Variants in MCC observed in about 807,000 individuals in gnomAD.
MCC encodes colorectal mutant cancer protein.
In MCC, 90 loss-of-function variants were observed where a neutral mutation model predicts 116.2. The ratio of observed to expected loss-of-function variants is 0.77; its 90% confidence interval spans 0.65 to 0.92. The LOEUF (loss-of-function observed/expected upper bound fraction) is 0.92. Among genes scored for constraint, MCC ranks in the 40% least tolerant of loss-of-function variants. The pLI, the probability that MCC is intolerant of heterozygous loss-of-function variation, is 0.00. For missense variants in MCC, 1,516 were observed against 1,312.2 expected (o/e 1.16, Z -2.40); for synonymous variants, 578 against 510.5 (o/e 1.13, Z -1.78).
chr5:113,165,410 A>C (rs1016947748), intron 3 of MCC, among the ~76,000 whole-genome samples: 4 of 152,212 alleles, frequency 2.6e-5, no homozygotes, highest in African/African-American at 4.8e-5. Context: ...TTGTCTTGCC[A>C]GTTCTCTTAC....
chr5:113,211,013 G>C (rs958509387), intron 3 of MCC, among the ~76,000 whole-genome samples: 4 of 152,200 alleles, frequency 2.6e-5, no homozygotes, highest in Admixed American at 2.6e-4. Flanking sequence ...GTAATTAGTG[G>C]TGTTAGAGAT....
chr5:113,340,857 C>G, intron 2 of MCC, 127 bp from the exon 3 acceptor site: 1 of 707,810 alleles, frequency 1.4e-6, no homozygotes, highest in Non-Finnish European at 2.3e-6. Context: ...CATGTGATGC[C>G]CAGGCTGCAT....
chr5:113,308,458 C>T (rs1767047878), intron 3 of MCC, among the ~76,000 whole-genome samples: 1 of 152,172 alleles, frequency 6.6e-6, no homozygotes, highest in Non-Finnish European at 1.5e-5. Context: ...AGAGTGCCCA[C>T]TCCCTCCTCA....
chr5:113,293,893 G>C (rs1008560499), intron 3 of MCC, among the ~76,000 whole-genome samples: 3 of 152,168 alleles, frequency 2.0e-5, no homozygotes, highest in Non-Finnish European at 4.4e-5. Flanking sequence ...AGTGGGAGAT[G>C]AAATAATCCA....
chr5:113,464,418 C>T (rs1394816336), intron 1 of MCC, among the ~76,000 whole-genome samples: 2 of 152,190 alleles, frequency 1.3e-5, no homozygotes, highest in East Asian at 3.9e-4. Context: ...TAATCAGGAA[C>T]TTTCTTCCTT....
At chr5:113,350,101 A>T (rs1162382175) in intron 2 of MCC, among the ~76,000 whole-genome samples, 1 of 152,158 alleles carries the variant, frequency 6.6e-6, no homozygotes, top group Non-Finnish European at 1.5e-5. Flanking sequence ...CAATATTGTT[A>T]AACTGTCCAT....
At chr5:113,235,319 T>C (rs1164976735) in intron 3 of MCC, among the ~76,000 whole-genome samples, 2 of 152,214 alleles carry the variant, frequency 1.3e-5, no homozygotes, top group East Asian at 3.8e-4. Flanking sequence ...ACTAGCCTCT[T>C]TGTTAACTTA....
At chr5:113,274,246 T>A (rs957586371) in intron 3 of MCC, among the ~76,000 whole-genome samples, 1 of 152,224 alleles carries the variant, frequency 6.6e-6, no homozygotes, top group Non-Finnish European at 1.5e-5. Context: ...AACTTCTTGG[T>A]CCCTTCTTCT....
intron 5 of MCC, among the ~76,000 whole-genome samples, chr5:113,133,011 T>G (rs184825705): frequency 1.7e-3 from 257 of 152,286 alleles, no homozygotes; most frequent in Non-Finnish European, 2.9e-3. Flanking sequence ...TTTCTTTTTT[T>G]TTTGTTTTTA....
chr5:113,329,873 G>A (rs1397664378), intron 3 of MCC, among the ~76,000 whole-genome samples: 2 of 152,114 alleles, frequency 1.3e-5, no homozygotes, highest in African/African-American at 4.8e-5. Flanking sequence ...TTAGAAGAGG[G>A]GCAGGAGAGG....
chr5:113,273,862 A>G (rs1765709265), intron 3 of MCC, among the ~76,000 whole-genome samples: 2 of 152,072 alleles, frequency 1.3e-5, no homozygotes, highest in African/African-American at 2.4e-5. Context: ...ATAGGTTAAA[A>G]AGCATTATGC....
At chr5:113,214,019 G>A (rs1763222177) in intron 3 of MCC, among the ~76,000 whole-genome samples, 1 of 152,172 alleles carries the variant, frequency 6.6e-6, no homozygotes, top group South Asian at 2.1e-4. Context: ...AGAATTTGTA[G>A]GACTGATGTT....
intron 3 of MCC, among the ~76,000 whole-genome samples, chr5:113,313,857 G>T (rs1202530158): frequency 2.6e-5 from 4 of 151,870 alleles, no homozygotes; most frequent in Admixed American, 2.6e-4. Context: ...GTCTTGCTCT[G>T]TTGCCCACGC....
intron 1 of MCC, among the ~76,000 whole-genome samples, chr5:113,479,643 GT>G (rs1175118813): frequency 4.6e-5 from 7 of 152,044 alleles, no homozygotes; most frequent in Non-Finnish European, 4.4e-5. Context: ...TCTGTAGGGT[GT>G]TTTTTTAATC....
intron 3 of MCC, among the ~76,000 whole-genome samples, chr5:113,315,991 G>A (rs1767270831): frequency 6.6e-6 from 1 of 152,080 alleles, no homozygotes; most frequent in South Asian, 2.1e-4. Context: ...GGGCATGGTG[G>A]CTCACACCTG....
chr5:113,050,734 G>T (rs768258328), intron 15 of MCC, among the ~76,000 whole-genome samples: 1 of 152,216 alleles, frequency 6.6e-6, no homozygotes, highest in Non-Finnish European at 1.5e-5. Flanking sequence ...CTTGAAAGAG[G>T]GAAAGAGAAA....
chr5:113,263,377 T>C (rs1324584097), intron 3 of MCC, among the ~76,000 whole-genome samples: 93 of 152,202 alleles, frequency 6.1e-4, no homozygotes. Flanking sequence ...GATCAGATAT[T>C]GGCTACCATG....
chr5:113,285,803 A>C (rs1766234006), intron 3 of MCC, among the ~76,000 whole-genome samples: 1 of 152,222 alleles, frequency 6.6e-6, no homozygotes, highest in Non-Finnish European at 1.5e-5. Flanking sequence ...AACAGGGACT[A>C]CATCAGTTTT....
intron 1 of MCC, 68 bp from the exon 2 acceptor site, chr5:113,385,280 G>GAA: frequency 6.1e-6 from 8 of 1,316,218 alleles, no homozygotes; most frequent in Non-Finnish European, 7.2e-6. Flanking sequence ...ACTGGTTAAT[G>GAA]AAAAAAAAAA....
Sources: gnomAD v4.1 joint callset for allele counts (sites outside exome capture counted in the v4.1 genomes callset) on GRCh38, gnomAD v4.1.1 for gene constraint, MANE v1.5 for transcripts, NCBI Gene and HGNC (gene_info 2026-07-23, HGNC 2026-07-21) for gene names.